Variants in TRPV1 observed in about 807,000 individuals in gnomAD.
TRPV1 encodes the protein OTRPC1.
In TRPV1, 82 loss-of-function variants were observed where a neutral mutation model predicts 82.3. The ratio of observed to expected loss-of-function variants is 1.00; its 90% confidence interval spans 0.83 to 1.20. TRPV1 has a LOEUF of 1.20. Among genes scored for constraint, TRPV1 ranks in the 50% most tolerant of loss-of-function variants. The pLI is 0.00. For synonymous variants in TRPV1, 515 were observed against 467.7 expected (o/e 1.10, Z -1.30); for missense variants, 1,067 against 1,096.8 (o/e 0.97, Z 0.38).
intron 2 of TRPV1, among the ~76,000 whole-genome samples, chr17:3,599,157 T>C (rs1198064314): frequency 6.6e-6 from 1 of 151,950 alleles, no homozygotes; most frequent in African/African-American, 2.4e-5. Flanking sequence ...GAGAATCACT[T>C]GAACCCGGGA....
chr17:3,581,600 T>A (rs937320409), intron 10 of TRPV1, among the ~76,000 whole-genome samples: 1 of 152,036 alleles, frequency 6.6e-6, no homozygotes, highest in African/African-American at 2.4e-5. Context: ...AAAATCACAA[T>A]AGAAGGCTGG....
chr17:3,585,620 C>T (rs946918881), intron 9 of TRPV1, 148 bp downstream of exon 9: 4 of 963,198 alleles, frequency 4.2e-6, no homozygotes, highest in African/African-American at 3.3e-5. Context: ...ATACGAGGTT[C>T]TCCACGTTCT....
In TRPV1 at chr17:3,585,930, G is replaced by A; in HGVS notation, c.1225-4C>T. 1 of 1,613,498 alleles carries A rather than the reference G, an allele frequency of 6.2e-7. No homozygotes were observed. Among genetic ancestry groups the A allele is most frequent in the Non-Finnish European group, 8.5e-7 (1 of 1,179,734 alleles). Reference sequence around the variant, plus strand: ...CCAAGAGCATGTCGTGGCGATTCTAGGGGGTGGGGAGAGAAGTGAGGTTCC... The same window carrying A: ...CCAAGAGCATGTCGTGGCGATTCTAAGGGGTGGGGAGAGAAGTGAGGTTCC... On this transcript the variant is annotated splice_region_variant and splice_polypyrimidine_tract_variant and intron_variant, in intron 8 of 16. Coordinates refer to ENST00000572705, the MANE Select transcript of TRPV1 (RefSeq NM_080704.4).
intron 8 of TRPV1, among the ~76,000 whole-genome samples, chr17:3,587,877 A>G (rs1264273618): frequency 6.6e-6 from 1 of 151,838 alleles, no homozygotes; most frequent in Non-Finnish European, 1.5e-5. Flanking sequence ...GTTGTTGTAC[A>G]TTGTGTATAG....
chr17:3,602,238 T>A (rs1404293338), intron 2 of TRPV1: 1 of 152,238 alleles, frequency 6.6e-6, no homozygotes, highest in East Asian at 1.9e-4. Context: ...TTCTTGTGTC[T>A]TGCTTTGCAG....
chr17:3,586,181 G>A (rs1238710979), intron 8 of TRPV1, among the ~76,000 whole-genome samples: 2 of 152,238 alleles, frequency 1.3e-5, no homozygotes, highest in African/African-American at 4.8e-5. Flanking sequence ...AACTGGACAA[G>A]CTCTTAAGTG....
chr17:3,571,880 C>T (rs1338458259), intron 15 of TRPV1, among the ~76,000 whole-genome samples: 1 of 152,186 alleles, frequency 6.6e-6, no homozygotes, highest in African/African-American at 2.4e-5. Flanking sequence ...CACTAGACGG[C>T]CCCTTCTGGA....
Position 3,585,564 on chromosome 17 carries a change from G to A in TRPV1, c.1383+204C>T. ...GGAGAGGAACTGAGAAGCGGGAAGGGGGCGGGTCTCCTGTACAGCCTGAGG... is the reference window on the plus strand; with the variant it reads ...GGAGAGGAACTGAGAAGCGGGAAGGAGGCGGGTCTCCTGTACAGCCTGAGG... On this transcript the variant is annotated intron_variant, in intron 9 of 16. Coordinates refer to ENST00000572705, the MANE Select transcript of TRPV1 (RefSeq NM_080704.4). 8.3e-6 allele frequency: 5 copies of A among 600,042 alleles called. No homozygotes were observed. The South Asian group carries it at 8.5e-5, about 10-fold the overall frequency. The allele number at this position is 600,042 out of a possible 1,614,324, so 37.2% of individuals were successfully genotyped here.
intron 3 of TRPV1, 63 bp from the exon 4 acceptor site, chr17:3,591,416 A>G (rs2075156430): frequency 6.6e-7 from 1 of 1,508,660 alleles, no homozygotes; most frequent in African/African-American, 1.4e-5. Flanking sequence ...AGGCCTTCGG[A>G]GCTTGTCAAG....
At chr17:3,567,783 A>G (rs2074789289) in intron 16 of TRPV1, among the ~76,000 whole-genome samples, 1 of 151,984 alleles carries the variant, frequency 6.6e-6, no homozygotes, top group African/African-American at 2.4e-5. Flanking sequence ...CTCAAAAAAA[A>G]AAAAAAGAAA....
chr17:3,602,982 G>T (rs1437420390), intron 2 of TRPV1, among the ~76,000 whole-genome samples: 1 of 152,044 alleles, frequency 6.6e-6, no homozygotes, highest in Non-Finnish European at 1.5e-5. Context: ...TTAGCCAGGC[G>T]TGGTGGTGCA....
rs569486186 is a variant in TRPV1 at position 3,573,798 on chromosome 17, G to T, written c.1938C>A (p.Gly646=). The change falls in exon 14 of 17, where the codon GGC becomes GGA. Residue 646 remains glycine, a synonymous_variant. Coordinates refer to ENST00000572705, the MANE Select transcript of TRPV1 (RefSeq NM_080704.4). ...CATAGTTCTCAGTGAACTCCAGGTC[G>T]CCCATGCCGATGGTGAACTTGAACA... The part of the protein sequence containing the change: ...LELFKFTIGM[G]DLEFTENYDF... 6.2e-7 allele frequency: 1 copy of T among 1,613,850 alleles called. No individual in the cohort carries two copies. Among genetic ancestry groups the T allele is most frequent in the South Asian group, 1.1e-5 (1 of 91,060 alleles).
rs181909705 is a variant in TRPV1, at chr17:3,590,944, G to A, written c.604+20C>T. 1.3e-3 allele frequency: 1,968 copies of A among 1,574,064 alleles called. 14 individuals are homozygous for A. In the Middle Eastern group the frequency reaches 0.025, roughly 20 times the overall value. On this transcript the variant is annotated intron_variant, in intron 5 of 16. Coordinates refer to ENST00000572705, the MANE Select transcript of TRPV1 (RefSeq NM_080704.4). ...CGGTGCTGCGGGCTGAGCCATGCCC[G>A]GCCCCGCCGCCCTCCTCACCCTTGT...
At chr17:3,594,036 G>C (rs907330090) in intron 2 of TRPV1, among the ~76,000 whole-genome samples, 1 of 149,694 alleles carries the variant, frequency 6.7e-6, no homozygotes, top group Non-Finnish European at 1.5e-5. Flanking sequence ...GCTGAGGCAG[G>C]AGAATCGCTT....
chr17:3,594,447 G>A (rs1424482311), intron 2 of TRPV1, among the ~76,000 whole-genome samples: 1 of 151,926 alleles, frequency 6.6e-6, no homozygotes, highest in Non-Finnish European at 1.5e-5. Flanking sequence ...GCACACAACT[G>A]GGCCATGGCT....
rs533009489 is a variant in TRPV1, at chr17:3,591,014, T to C, written c.554A>G (p.Asp185Gly). 5 of 1,611,526 alleles carry C rather than the reference T, an allele frequency of 3.1e-6. No individual in the cohort carries two copies. In the East Asian group the frequency reaches 6.7e-5, roughly 22 times the overall value. The change falls in exon 5 of 17, where the codon GAC becomes GGC. Residue 185 changes from aspartate to glycine, a missense_variant. Physicochemically the swap from Asp to Gly is moderately conservative, Grantham distance 94 (BLOSUM62 -1). Coordinates refer to ENST00000572705, the MANE Select transcript of TRPV1 (RefSeq NM_080704.4). ...GGCGTTGACAAGCTCCTTCAGGCTGTCCGTTTGCCGCGCGATCTCCAGGAG... is the reference window on the plus strand; with the variant it reads ...GGCGTTGACAAGCTCCTTCAGGCTGCCCGTTTGCCGCGCGATCTCCAGGAG... Reference protein sequence around the residue: ...PLLLEIARQTDSLKELVNASY... With the variant: ...PLLLEIARQTGSLKELVNASY...
At position 3,577,130 on chromosome 17, in the gene TRPV1, G is replaced by T; in HGVS notation, c.1776C>A (p.Ser592=). 1 of 1,584,590 alleles carries T rather than the reference G, an allele frequency of 6.3e-7. No individual in the cohort carries two copies. Among genetic ancestry groups the T allele is most frequent in the Non-Finnish European group, 8.6e-7 (1 of 1,165,826 alleles). The part of the protein sequence containing the change: ...FVYIVFLFGF[S]TAVVTLIEDG... ...AGCGCTGACCAAGCTCATTACCTGTGGAAAACCCGAACAAGAAGACGATGT... is the reference window on the plus strand; with the variant it reads ...AGCGCTGACCAAGCTCATTACCTGTTGAAAACCCGAACAAGAAGACGATGT... Residue 592 remains serine, a synonymous_variant, in exon 13 of 17, where the codon TCC becomes TCA. Coordinates refer to ENST00000572705, the MANE Select transcript of TRPV1 (RefSeq NM_080704.4).
At chr17:3,602,210 A>G (rs1256672241) in intron 2 of TRPV1, 3 of 152,206 alleles carry the variant, frequency 2.0e-5, no homozygotes, top group Admixed American at 1.3e-4. Flanking sequence ...TCTTGTATAG[A>G]CATGTAACGT....
intron 2 of TRPV1, among the ~76,000 whole-genome samples, chr17:3,607,381 A>C (rs535230058): frequency 1.3e-5 from 2 of 151,974 alleles, no homozygotes; most frequent in South Asian, 4.2e-4. Flanking sequence ...TGTCATCCAC[A>C]GGAGATATGT....
Sources: allele counts gnomAD v4.1 joint callset (sites outside exome capture counted in the v4.1 genomes callset), GRCh38; gene constraint gnomAD v4.1.1; transcripts MANE v1.5; gene names NCBI Gene and HGNC (gene_info 2026-07-23, HGNC 2026-07-21).